The following TLCD3A variants were observed in gnomAD, a reference collection of about 807,000 sequenced individuals.
TLCD3A encodes TLC domain-containing protein 3A.
In TLCD3A, 17 loss-of-function variants were observed where a neutral mutation model predicts 29.9. The observed-to-expected ratio is 0.57, with a 90% confidence interval of 0.39 to 0.85. The LOEUF is 0.85. Ranked by LOEUF, TLCD3A falls within the 40% of genes least tolerant of loss-of-function variation. TLCD3A has a pLI of 0.00. For synonymous variants in TLCD3A, 143 were observed against 147.7 expected (o/e 0.97, Z 0.23); for missense variants, 332 against 350.8 (o/e 0.95, Z 0.43).
intron 2 of TLCD3A, among the ~76,000 whole-genome samples, chr17:734,611 G>A (rs1180323068): frequency 6.6e-6 from 1 of 152,008 alleles, no homozygotes; most frequent in Non-Finnish European, 1.5e-5. Context: ...ACTGCACCCA[G>A]CCAAAAAAGG....
rs1371453164 is a variant in TLCD3A at position 732,796 on chromosome 17, G to A, written c.122+27G>A. 5.6e-6 allele frequency: 8 copies of A among 1,435,722 alleles called. No homozygotes were observed. The African/African-American group carries it at 1.0e-4, about 19-fold the overall frequency. The allele number at this position is 1,435,722 out of a possible 1,614,324, so 88.9% of individuals were successfully genotyped here. On this transcript the variant is annotated intron_variant, in intron 1 of 4. Coordinates refer to ENST00000308278, the MANE Select transcript of TLCD3A (RefSeq NM_024792.3). Reference sequence around the variant, plus strand: ...TACCGGCGCCGCCGAGACGCCCCCCGAGGCCCGGGGCGCTGCCCACCGCAC... The same window carrying A: ...TACCGGCGCCGCCGAGACGCCCCCCAAGGCCCGGGGCGCTGCCCACCGCAC...
chr17:736,005 AAG>A (rs1491087285), intron 2 of TLCD3A, among the ~76,000 whole-genome samples: 4 of 150,790 alleles, frequency 2.7e-5, no homozygotes, highest in Admixed American at 6.6e-5. Context: ...AAAAAAAAAA[AAG>A]GAACCTGGCT....
At position 732,982 on chromosome 17, in the gene TLCD3A, G is replaced by T. The variant is rs967679847; in HGVS notation, c.123-116G>T. 17 of 1,418,268 alleles carry T rather than the reference G, an allele frequency of 1.2e-5. No homozygotes were observed. In the East Asian group the frequency reaches 4.0e-4, roughly 33 times the overall value. The allele number at this position is 1,418,268 out of a possible 1,614,324, so 87.9% of individuals were successfully genotyped here. On this transcript the variant is annotated intron_variant, in intron 1 of 4. Coordinates refer to ENST00000308278, the MANE Select transcript of TLCD3A (RefSeq NM_024792.3). ...CGGGAATGGCCGATGAGCCTCCGGA[G>T]CCCGCTCCCCACATCTGCCTGCGGC...
intron 3 of TLCD3A, among the ~76,000 whole-genome samples, chr17:740,029 A>G (rs142897345): frequency 6.6e-5 from 10 of 152,328 alleles, no homozygotes; most frequent in Admixed American, 3.9e-4. Context: ...CTGGGCAACA[A>G]GAACAAAACT....
At chr17:735,955 C>CAGAGCA (rs955930204) in intron 2 of TLCD3A, among the ~76,000 whole-genome samples, 6 of 122,048 alleles carry the variant, frequency 4.9e-5, no homozygotes, top group African/African-American at 1.9e-4. Flanking sequence ...GCCTGGGCGA[C>CAGAGCA]AGAGCAAGAT....
chr17:740,717 G>T, intron 4 of TLCD3A, 117 bp downstream of exon 4: 1 of 1,070,754 alleles, frequency 9.3e-7, no homozygotes, highest in African/African-American at 1.6e-5. Flanking sequence ...GGCAGAGAGA[G>T]TGAAGGTTCT....
chr17:732,945 GGCCGGGGC>G (rs1425441839), intron 1 of TLCD3A, 145 bp from the exon 2 acceptor site: 2 of 1,396,188 alleles, frequency 1.4e-6, no homozygotes, highest in Non-Finnish European at 1.9e-6. Context: ...GCGGGAGCGG[GGCCGGGGC>G]GGGCGGGAAT....
rs1418786558 is a variant in TLCD3A, at chr17:741,574, C to T, written c.*4C>T. The stretch of plus-strand genomic sequence containing the variant: ...CCAAGCCAAAAAGGATGGCTAAATG[C>T]TCCTGGGAGTCAGGCGCAGCCTCAC... On this transcript the variant is annotated 3_prime_UTR_variant, in exon 5 of 5. Coordinates refer to ENST00000308278, the MANE Select transcript of TLCD3A (RefSeq NM_024792.3). The T allele has an allele frequency of 2.5e-6, 4 of 1,611,310 alleles. No individual in the cohort carries two copies. Among genetic ancestry groups the T allele is most frequent in the Middle Eastern group, 1.6e-4 (1 of 6,062 alleles).
chr17:740,670 AGAGT>A (rs1259854512), intron 4 of TLCD3A, 70 bp downstream of exon 4: 6 of 1,461,338 alleles, frequency 4.1e-6, no homozygotes, highest in Non-Finnish European at 5.7e-6. Flanking sequence ...AATGACAGAG[AGAGT>A]GAGGGTTCTG....
At chr17:740,412 A>G in intron 3 of TLCD3A, 93 bp from the exon 4 acceptor site, 3 of 928,414 alleles carry the variant, frequency 3.2e-6, no homozygotes, top group Non-Finnish European at 5.4e-6. Flanking sequence ...TTTGCCCGTC[A>G]CAGTTACCCT....
chr17:738,018 A>G lies in TLCD3A; in HGVS notation c.379A>G (p.Ile127Val). The G allele has an allele frequency of 2.5e-6, 4 of 1,607,384 alleles. No individual in the cohort carries two copies. Among genetic ancestry groups the G allele is most frequent in the Non-Finnish European group, 3.4e-6 (4 of 1,176,458 alleles). ...NRLMITHHAV[I>V]LFVLVPVAQR... ...CCTCATGATCACACATCATGCGGTC[A>G]TTCTCTTTGTCCTTGTGCCAGTCGC... The change falls in exon 3 of 5, where the codon ATT becomes GTT. Residue 127 changes from isoleucine (I) to valine (V), a missense_variant. Physicochemically the swap from Ile to Val is conservative, Grantham distance 29. Coordinates refer to ENST00000308278, the MANE Select transcript of TLCD3A (RefSeq NM_024792.3).
chr17:741,352 G>A lies in TLCD3A; in HGVS notation c.556G>A (p.Ala186Thr). ...LYKVNGILTL[A>T]TFLSCRILLF... The stretch of plus-strand genomic sequence containing the variant: ...CAAGGTGAATGGAATCCTCACGCTG[G>A]CCACCTTCCTTTCCTGCCGGATCCT... Residue 186 changes from alanine (A) to threonine (T), a missense_variant, in exon 5 of 5, where the codon GCC (alanine) becomes ACC (threonine). By Grantham distance (58) the Ala-to-Thr change is moderately conservative. Coordinates refer to ENST00000308278, the MANE Select transcript of TLCD3A (RefSeq NM_024792.3). The A allele has an allele frequency of 6.2e-7, 1 of 1,614,156 alleles. No individual in the cohort carries two copies. The highest frequency in any genetic ancestry group is 8.5e-7 in the Non-Finnish European group (1 of 1,180,018).
chr17:738,100 T>TTTTTTATTTA (rs1974191583), intron 3 of TLCD3A, 53 bp downstream of exon 3: 2 of 1,267,174 alleles, frequency 1.6e-6, no homozygotes, highest in East Asian at 2.4e-5. Context: ...GGGTGTCTTT[T>TTTTTTATTTA]TTTTTTTTTT....
In TLCD3A at chr17:737,942, C is replaced by T. The variant is rs762105484; in HGVS notation, c.303C>T (p.Asp101=). ...TCTGTGAATGGTGCCGAACCAGAGA[C>T]CAGAACCGTGCGCCCTCCCTCACTC... The part of the protein sequence containing the change: ...MYLCEWCRTR[D]QNRAPSLTLR... Residue 101 remains aspartate, a synonymous_variant, in exon 3 of 5, where the codon GAC becomes GAT. Transcript: ENST00000308278. 3.7e-6 allele frequency: 6 copies of T among 1,614,016 alleles called. No homozygotes were observed. In the South Asian group the frequency reaches 5.5e-5, roughly 15 times the overall value.
chr17:740,753 CAG>C (rs368760331), intron 4 of TLCD3A, among the ~76,000 whole-genome samples, 153 bp downstream of exon 4: 2 of 151,488 alleles, frequency 1.3e-5, no homozygotes, highest in African/African-American at 2.4e-5. Flanking sequence ...GAATGAATGG[CAG>C]AGAGAGTGAG....
chr17:736,832 T>C (rs1974161623), intron 2 of TLCD3A, among the ~76,000 whole-genome samples: 1 of 151,396 alleles, frequency 6.6e-6, no homozygotes, highest in Non-Finnish European at 1.5e-5. Context: ...ATTTTTGTAT[T>C]TTTAGTAGAA....
At chr17:739,116 T>C (rs1974208759) in intron 3 of TLCD3A, among the ~76,000 whole-genome samples, 1 of 151,534 alleles carries the variant, frequency 6.6e-6, no homozygotes, top group African/African-American at 2.4e-5. Context: ...AGAAAAGCAA[T>C]GGGAAAGCTG....
chr17:740,362 A>G, intron 3 of TLCD3A, 143 bp from the exon 4 acceptor site: 1 of 670,320 alleles, frequency 1.5e-6, no homozygotes, highest in Non-Finnish European at 2.7e-6. Flanking sequence ...TTGCCACGGA[A>G]GCAGCGGTAC....
At chr17:732,945 G>A in intron 1 of TLCD3A, 153 bp from the exon 2 acceptor site, 2 of 1,396,302 alleles carry the variant, frequency 1.4e-6, no homozygotes, top group Non-Finnish European at 1.9e-6. Context: ...GCGGGAGCGG[G>A]GCCGGGGCGG....
Sources: gnomAD v4.1 joint callset for allele counts (sites outside exome capture counted in the v4.1 genomes callset) on GRCh38, gnomAD v4.1.1 for gene constraint, MANE v1.5 for transcripts, NCBI Gene and HGNC (gene_info 2026-07-23, HGNC 2026-07-21) for gene names.